The following IKBKB variants were observed in gnomAD, a reference collection of about 807,000 sequenced individuals.
The protein encoded by IKBKB is inhibitor of nuclear factor kappa B kinase subunit beta.
In IKBKB, 42 loss-of-function variants were observed where a neutral mutation model predicts 113.6. The ratio of observed to expected loss-of-function variants is 0.37; its 90% CI spans 0.29 to 0.48. The LOEUF (loss-of-function observed/expected upper bound fraction) is 0.48, where lower values mean the gene tolerates loss of function less well. Among genes scored for constraint, IKBKB ranks in the 20% least tolerant of loss-of-function variants. IKBKB has a pLI of 0.99. For missense variants in IKBKB, 673 were observed against 939.7 expected, an observed-to-expected ratio of 0.72 and a Z score of 3.71; for synonymous variants, 296 against 361.3, an observed-to-expected ratio of 0.82 and a Z score of 2.05.
At chr8:42,302,752 GT>G (rs1369672994) in intron 5 of IKBKB, among the ~76,000 whole-genome samples, 7 of 139,302 alleles carry the variant, frequency 5.0e-5, no homozygotes, top group African/African-American at 2.3e-4. Context: ...GAATATGCCA[GT>G]ATTCCAAAAT....
intron 11 of IKBKB, chr8:42,317,357 C>G (rs992465374): frequency 2.2e-6 from 1 of 453,810 alleles, no homozygotes; most frequent in Admixed American, 3.5e-5. Flanking sequence ...TCTCAGCTGA[C>G]TTGTGGAGCT....
intron 21 of IKBKB, chr8:42,329,942 C>T (rs559183885): frequency 1.0e-6 from 1 of 985,432 alleles, no homozygotes; most frequent in African/African-American, 1.7e-5. Context: ...CAAGGGATAC[C>T]ACTGTGAATT....
At chr8:42,298,831 G>T (rs1814482201) in intron 5 of IKBKB, among the ~76,000 whole-genome samples, 1 of 152,050 alleles carries the variant, frequency 6.6e-6, no homozygotes, top group African/African-American at 2.4e-5. Flanking sequence ...CAGGATGGTG[G>T]CCCCGGGACA....
Position 42,331,201 on chromosome 8 carries a change from AC to A in IKBKB, c.*225del. On this transcript the variant is annotated 3_prime_UTR_variant, in exon 22 of 22. Coordinates refer to ENST00000520810, the MANE Select transcript of IKBKB (RefSeq NM_001556.3). The stretch of plus-strand genomic sequence containing the variant: ...TCAGCAGCTGTGACTTTCACCCAGG[AC>A]CCAGGACGCAGCCCTCCGTGGGCAC... 1.3e-6 allele frequency: 1 copy of A among 772,756 alleles called. No individual in the cohort carries two copies. Among genetic ancestry groups the A allele is most frequent in the Non-Finnish European group, 2.2e-6 (1 of 450,686 alleles). 47.9% of individuals were successfully genotyped at this position (772,756 alleles called of 1,614,324 possible).
chr8:42,294,971 GC>G (rs1404914866), intron 5 of IKBKB, among the ~76,000 whole-genome samples: 3 of 151,880 alleles, frequency 2.0e-5, no homozygotes, highest in Non-Finnish European at 4.4e-5. Context: ...GTATTCTCTT[GC>G]TTTTCTTGGG....
In IKBKB at chr8:42,305,293, A is replaced by G; in HGVS notation, c.477+18A>G. On this transcript the variant is annotated intron_variant, in intron 6 of 21. Transcript: ENST00000520810. ...AACAGAGGGTAAGTGACCTCCTGGG[A>G]CTGGGAAAGCCTCAGGTGGGCGTGC... 2 of 1,554,618 alleles carry G rather than the reference A, an allele frequency of 1.3e-6. No individual in the cohort carries two copies. The highest frequency in any genetic ancestry group is 1.8e-6 in the Non-Finnish European group (2 of 1,126,240).
At chr8:42,287,665 G>C (rs1345373147) in intron 2 of IKBKB, among the ~76,000 whole-genome samples, 2 of 152,202 alleles carry the variant, frequency 1.3e-5, no homozygotes, top group Non-Finnish European at 2.9e-5. Context: ...CTAGAGGCTT[G>C]TTTTCAAGCC....
At chr8:42,307,638 G>A (rs1173230979) in intron 7 of IKBKB, among the ~76,000 whole-genome samples, 1 of 152,158 alleles carries the variant, frequency 6.6e-6, no homozygotes, top group Admixed American at 6.5e-5. Context: ...TTCAGAGTGG[G>A]TCTCACAGAG....
intron 7 of IKBKB, among the ~76,000 whole-genome samples, chr8:42,307,388 A>C (rs1422847955): frequency 6.6e-6 from 1 of 152,138 alleles, no homozygotes; most frequent in Non-Finnish European, 1.5e-5. Context: ...ACCTCTGCAG[A>C]GATTGATGGG....
Position 42,316,323 on chromosome 8 carries a change from A to G in IKBKB, c.914A>G (p.Asp305Gly). 1.2e-6 allele frequency: 2 copies of G among 1,614,172 alleles called. No homozygotes were observed. Among genetic ancestry groups the G allele is most frequent in the Non-Finnish European group, 1.7e-6 (2 of 1,180,004 alleles). ...AATGGCTGCTTCAAGGCCCTGGATGACATCTTAAACTTAAAGGTGAGTGTG... is the reference window on the plus strand; with the variant it reads ...AATGGCTGCTTCAAGGCCCTGGATGGCATCTTAAACTTAAAGGTGAGTGTG... ...GPNGCFKALDDILNLKLVHIL... is the reference protein window; with the variant it reads ...GPNGCFKALDGILNLKLVHIL... Residue 305 changes from aspartate (D) to glycine (G), a missense_variant, in exon 10 of 22, where the codon GAC becomes GGC. Asp to Gly is a moderately conservative substitution (Grantham distance 94, BLOSUM62 -1). Transcript: ENST00000520810. This position sits in a 1 kb window ranked among gnomAD's most constrained non-coding sequence, Gnocchi z 4.5.
intron 3 of IKBKB, among the ~76,000 whole-genome samples, chr8:42,288,954 G>A (rs188794024): frequency 3.3e-5 from 5 of 152,128 alleles, no homozygotes; most frequent in Admixed American, 6.5e-5. Context: ...ATGGGTGGGC[G>A]CCTGTAGTCC....
In IKBKB at chr8:42,332,339, CTG is replaced by C. The variant is rs1563381332; in HGVS notation, c.*1362_*1363del. On this transcript the variant is annotated 3_prime_UTR_variant, in exon 22 of 22. Coordinates refer to ENST00000520810, the MANE Select transcript of IKBKB (RefSeq NM_001556.3). ...ACAGGCTTAACTTTGTGTAAGAACACTGTTTATCAATGTCATTTGGCTATAGA... is the reference window on the plus strand; with the variant it reads ...ACAGGCTTAACTTTGTGTAAGAACACTTTATCAATGTCATTTGGCTATAGA... 1.3e-5 allele frequency: 2 copies of C among 152,242 alleles called. No homozygotes were observed. The highest frequency in any genetic ancestry group is 6.5e-5 in the Admixed American group (1 of 15,278). 9.4% of individuals were successfully genotyped at this position (152,242 alleles called of 1,614,324 possible). A position where few individuals can be genotyped will look rare whatever the true frequency, so the allele number is the denominator to read the frequency against.
At chr8:42,325,132 C>T in intron 19 of IKBKB, 9 of 724,804 alleles carry the variant, frequency 1.2e-5, no homozygotes, top group Non-Finnish European at 1.5e-5. Flanking sequence ...GGGCAGAGAT[C>T]AGCAGAGGGG....
At chr8:42,287,807 A>G (rs918707697) in intron 2 of IKBKB, among the ~76,000 whole-genome samples, 3 of 152,288 alleles carry the variant, frequency 2.0e-5, no homozygotes, top group African/African-American at 7.2e-5. Flanking sequence ...CTGCTATATT[A>G]TGCCATATTA....
chr8:42,293,437 T>C lies in IKBKB; in HGVS notation c.319-6T>C. On this transcript the variant is annotated splice_polypyrimidine_tract_variant and splice_region_variant and intron_variant, in intron 4 of 21. Coordinates refer to ENST00000520810, the MANE Select transcript of IKBKB (RefSeq NM_001556.3). ...GCTCTGATGCTGCTTTTCACTTTCT[T>C]GACAGTACCTGAACCAGTTTGAGAA... 6.2e-7 allele frequency: 1 copy of C among 1,614,182 alleles called. No individual in the cohort carries two copies. The highest frequency in any genetic ancestry group is 1.1e-5 in the South Asian group (1 of 91,082).
At position 42,288,789 on chromosome 8, in the gene IKBKB, AGAAAG is replaced by A. The variant is rs1811958466; in HGVS notation, c.200+64_200+68del. The A allele has an allele frequency of 9.6e-6, 13 of 1,357,894 alleles. No individual in the cohort carries two copies. The South Asian group carries it at 1.6e-4, about 17-fold the overall frequency. The allele number at this position is 1,357,894 out of a possible 1,614,324, so 84.1% of individuals were successfully genotyped here. A position where few individuals can be genotyped will look rare whatever the true frequency, so the allele number is the denominator to read the frequency against. Reference sequence around the variant, plus strand: ...TGGAGCAGCAGCCCCCGGTGTGTCTAGAAAGGAGAGTCTTGCTGGGTGCGTGGCTC... The same window carrying A: ...TGGAGCAGCAGCCCCCGGTGTGTCTAGAGAGTCTTGCTGGGTGCGTGGCTC... On this transcript the variant is annotated intron_variant, in intron 3 of 21. Coordinates refer to ENST00000520810, the MANE Select transcript of IKBKB (RefSeq NM_001556.3).
intron 19 of IKBKB, chr8:42,325,253 C>T (rs2130707696): frequency 1.0e-6 from 1 of 985,670 alleles, no homozygotes; most frequent in African/African-American, 1.7e-5. Flanking sequence ...GGCTGCAGCC[C>T]CTTGGGAGTC....
intron 14 of IKBKB, 48 bp downstream of exon 14, chr8:42,319,469 T>G (rs1563358810): frequency 6.2e-7 from 1 of 1,611,028 alleles, no homozygotes; most frequent in Non-Finnish European, 8.5e-7. Context: ...TTTTTTTTCT[T>G]TTTCTCTTTC....
chr8:42,297,837 G>A (rs1161383572), intron 5 of IKBKB, among the ~76,000 whole-genome samples: 1 of 152,196 alleles, frequency 6.6e-6, no homozygotes, highest in Non-Finnish European at 1.5e-5. Context: ...AGAGGTTGCA[G>A]TGAGCCGAGA....
Sources: gnomAD v4.1 joint callset for allele counts (sites outside exome capture counted in the v4.1 genomes callset) on GRCh38, gnomAD v4.1.1 for gene constraint, Gnocchi (gnomAD v3.1) non-coding constraint, MANE v1.5 for transcripts, NCBI Gene and HGNC (gene_info 2026-07-23, HGNC 2026-07-21) for gene names.